The following LSM4 variants were observed in gnomAD, a reference collection of about 807,000 sequenced individuals.
The protein encoded by LSM4 is U6 snRNA-associated Sm-like protein LSm4.
A neutral mutation model predicts 22.3 loss-of-function variants in LSM4; 15 were observed. The ratio of observed to expected loss-of-function variants is 0.67; its 90% confidence interval spans 0.45 to 1.03. The LOEUF is 1.03. LSM4 is among the 50% of genes least tolerant of loss of function. LSM4 has a pLI of 0.00. For missense variants in LSM4, 127 were observed against 198.0 expected (o/e 0.64, Z 2.15); for synonymous variants, 90 against 79.8 (o/e 1.13, Z -0.68).
In LSM4 at chr19:18,316,245, C is replaced by A. The variant is rs190460229; in HGVS notation, c.4-180G>T. On this transcript the variant is annotated intron_variant, in intron 1 of 4. Coordinates refer to ENST00000593829, the MANE Select transcript of LSM4 (RefSeq NM_012321.5). ...ACTCTGCCCAGCCCTGGAACACACA[C>A]CTGCCTCTCAGATTAGGAAGAAAAG... The A allele has an allele frequency of 1.7e-5, 9 of 528,078 alleles. No homozygotes were observed. In the East Asian group the frequency reaches 2.9e-4, roughly 17 times the overall value. 32.7% of individuals were successfully genotyped at this position (528,078 alleles called of 1,614,324 possible). A position where few individuals can be genotyped will look rare whatever the true frequency, so the allele number is the denominator to read the frequency against.
chr19:18,313,635 A>G (rs1056617297), intron 2 of LSM4, among the ~76,000 whole-genome samples: 2 of 151,888 alleles, frequency 1.3e-5, no homozygotes, highest in African/African-American at 4.8e-5. Context: ...CTCCCACCTC[A>G]GTTTCCCTAG....
chr19:18,309,960 C>A, intron 3 of LSM4, 99 bp from the exon 4 acceptor site: 5 of 1,130,772 alleles, frequency 4.4e-6, no homozygotes, highest in Non-Finnish European at 6.4e-6. Flanking sequence ...GCCTGCACCC[C>A]GTACCACCCC....
Position 18,320,349 on chromosome 19 carries a change from A to T in LSM4, c.3+2669T>A, listed in dbSNP as rs532641995. Among the ~76,000 whole-genome samples, 4 of 152,282 alleles carry T rather than the reference A, an allele frequency of 2.6e-5. No individual in the cohort carries two copies. The East Asian group carries it at 7.7e-4, about 29-fold the overall frequency. On this transcript the variant is annotated intron_variant, in intron 1 of 4. Transcript: ENST00000593829. ...ACAAAAGATTCTGTCTCTACAAAAA[A>T]TCTAGAAATTAGCCAGGTTTAGTGA...
chr19:18,312,270 A>T, intron 3 of LSM4: 1 of 262,072 alleles, frequency 3.8e-6, no homozygotes, highest in East Asian at 9.6e-5. Context: ...AGGCTGGACT[A>T]AAGGCAGCAG....
chr19:18,310,777 CT>C (rs1010812210), intron 3 of LSM4, among the ~76,000 whole-genome samples: 15 of 152,342 alleles, frequency 9.8e-5, no homozygotes, highest in African/African-American at 3.4e-4. Flanking sequence ...GGGGCAAGGT[CT>C]AAGAACCTCA....
rs1018289905 is a variant in LSM4 at position 18,322,949 on chromosome 19, C to T, written c.3+69G>A. 6 of 1,575,254 alleles carry T rather than the reference C, an allele frequency of 3.8e-6. No homozygotes were observed. The African/African-American group carries it at 4.1e-5, about 11-fold the overall frequency. On this transcript the variant is annotated intron_variant, in intron 1 of 4. Transcript: ENST00000593829. ...CCGCGCCAACCAAGCCCACAGCGCC[C>T]GCCCGCAGGGATCCCAACGACTGCT... is the stretch of plus-strand genomic sequence containing the variant.
chr19:18,319,180 T>G (rs910190652), intron 1 of LSM4, among the ~76,000 whole-genome samples: 1 of 151,600 alleles, frequency 6.6e-6, no homozygotes, highest in Admixed American at 6.6e-5. Flanking sequence ...AGGCAGAGGT[T>G]GCAGTGAGCC....
In LSM4 at chr19:18,312,674, T is replaced by C. The variant is rs756106603; in HGVS notation, c.74A>G (p.Tyr25Cys). Reference sequence around the variant, plus strand: ...GTCGCAGCTCACCAGGTGTCCATTGTACGTCTCCCCATTTTTCAGCTCCAC... The same window carrying C: ...GTCGCAGCTCACCAGGTGTCCATTGCACGTCTCCCCATTTTTCAGCTCCAC... ...MLVELKNGET[Y>C]NGHLVSCDNW... Residue 25 changes from tyrosine (Y) to cysteine (C), a missense_variant, in exon 3 of 5, where the codon TAC becomes TGC. By Grantham distance (194) the Tyr-to-Cys change is radical. Transcript: ENST00000593829. 6.2e-7 allele frequency: 1 copy of C among 1,613,828 alleles called. No individual in the cohort carries two copies. The highest frequency in any genetic ancestry group is 1.3e-5 in the African/African-American group (1 of 74,928).
intron 1 of LSM4, among the ~76,000 whole-genome samples, chr19:18,317,003 C>T (rs1245475888): frequency 6.6e-6 from 1 of 151,906 alleles, no homozygotes; most frequent in Non-Finnish European, 1.5e-5. Context: ...ATCTGTAGTC[C>T]CAGCTACTTG....
At chr19:18,322,875 C>T in intron 1 of LSM4, 143 bp downstream of exon 1, 1 of 1,264,556 alleles carries the variant, frequency 7.9e-7, no homozygotes, top group South Asian at 1.3e-5. Context: ...CTCAGTTTCC[C>T]AGCCTCGTGC....
At chr19:18,308,897 GC>G (rs1253380433) in intron 4 of LSM4, among the ~76,000 whole-genome samples, 2 of 152,164 alleles carry the variant, frequency 1.3e-5, no homozygotes, top group Non-Finnish European at 2.9e-5. Context: ...TGGCCCAGTG[GC>G]TTCCTGCAGA....
intron 3 of LSM4, chr19:18,312,325 TG>T (rs906443135): frequency 4.6e-5 from 18 of 393,502 alleles, no homozygotes; most frequent in African/African-American, 3.7e-4. Flanking sequence ...TGCCCCAGCC[TG>T]AGCCACAGGG....
At chr19:18,312,458 C>A in intron 3 of LSM4, 146 bp downstream of exon 3, 1 of 668,348 alleles carries the variant, frequency 1.5e-6, no homozygotes, top group Admixed American at 2.3e-5. Context: ...CTCACCCTGC[C>A]CTGTCCCTCC....
chr19:18,307,954 G>C (rs1399081109), intron 4 of LSM4, among the ~76,000 whole-genome samples: 5 of 152,014 alleles, frequency 3.3e-5, no homozygotes, highest in Non-Finnish European at 4.4e-5. Context: ...TGGCGGGGGG[G>C]GGGCCTCCTA....
At chr19:18,315,929 G>T in intron 2 of LSM4, 95 bp downstream of exon 2, 2 of 1,122,852 alleles carry the variant, frequency 1.8e-6, no homozygotes, top group Non-Finnish European at 1.3e-6. Flanking sequence ...CATGCTGGTG[G>T]ACAGGCAGGC....
chr19:18,315,932 A>T (rs1229695591), intron 2 of LSM4, 92 bp downstream of exon 2: 38 of 1,149,964 alleles, frequency 3.3e-5, no homozygotes, highest in Non-Finnish European at 4.6e-5. Flanking sequence ...GCTGGTGGAC[A>T]GGCAGGCCAG....
At chr19:18,319,539 G>C (rs1234592110) in intron 1 of LSM4, among the ~76,000 whole-genome samples, 1 of 152,188 alleles carries the variant, frequency 6.6e-6, no homozygotes, top group Non-Finnish European at 1.5e-5. Context: ...TCCAGCCTGG[G>C]TGACAGTGAC....
At chr19:18,316,711 C>CT (rs1030588618) in intron 1 of LSM4, among the ~76,000 whole-genome samples, 5 of 152,074 alleles carry the variant, frequency 3.3e-5, no homozygotes, top group Admixed American at 3.3e-4. Flanking sequence ...TGAGGTTACT[C>CT]TGAGTATGGA....
At chr19:18,316,624 A>C (rs1233890099) in intron 1 of LSM4, among the ~76,000 whole-genome samples, 1 of 152,114 alleles carries the variant, frequency 6.6e-6, no homozygotes, top group Non-Finnish European at 1.5e-5. Context: ...CTGGGATTAC[A>C]GGCATGAGCC....
Sources: allele counts gnomAD v4.1 joint callset (sites outside exome capture counted in the v4.1 genomes callset), GRCh38; gene constraint gnomAD v4.1.1; transcripts MANE v1.5; gene names NCBI Gene and HGNC (gene_info 2026-07-23, HGNC 2026-07-21).